KCNT2: variants seen among roughly 807,000 people sequenced by gnomAD.
The protein encoded by KCNT2 is potassium sodium-activated channel subfamily T member 2.
KCNT2 carries 67 observed loss-of-function variants against 153.8 expected under a neutral mutation model. That is an observed-to-expected ratio of 0.44 (90% CI 0.36 to 0.53). The LOEUF is 0.53. Ranked by LOEUF, KCNT2 falls within the 20% of genes least tolerant of loss-of-function variation. The probability of loss-of-function intolerance (pLI) is 0.00; values close to 1 mark genes in which losing one functional copy is unlikely to be tolerated. For missense variants in KCNT2, 975 were observed against 1,354.8 expected, an observed-to-expected ratio of 0.72 and a Z score of 4.40; for synonymous variants, 500 against 458.8, an observed-to-expected ratio of 1.09 and a Z score of -1.15.
intron 20 of KCNT2, among the ~76,000 whole-genome samples, chr1:196,316,423 G>C (rs746165772): frequency 2.6e-5 from 4 of 151,348 alleles, no homozygotes; most frequent in Non-Finnish European, 3.0e-5. Flanking sequence ...AAGTAATTTT[G>C]GTAAGAGAGG....
intron 22 of KCNT2, among the ~76,000 whole-genome samples, chr1:196,290,904 TC>T (rs1660131091): frequency 1.3e-5 from 2 of 151,906 alleles, no homozygotes; most frequent in Admixed American, 6.6e-5. Context: ...CGATGCCACC[TC>T]CCCCATGTCC....
intron 19 of KCNT2, among the ~76,000 whole-genome samples, chr1:196,320,125 A>T (rs763677048): frequency 4.0e-5 from 6 of 151,898 alleles, no homozygotes; most frequent in Non-Finnish European, 8.8e-5. Flanking sequence ...TGCATTTTTA[A>T]ATTTATTGAT....
At chr1:196,257,966 A>G in intron 26 of KCNT2, 1 of 1,178,766 alleles carries the variant, frequency 8.5e-7, no homozygotes, top group East Asian at 3.5e-5. Flanking sequence ...AATTCATGTA[A>G]TGGGTTTAGC....
At chr1:196,520,566 C>G (rs1653233102) in intron 1 of KCNT2, among the ~76,000 whole-genome samples, 1 of 151,798 alleles carries the variant, frequency 6.6e-6, no homozygotes, top group African/African-American at 2.4e-5. Flanking sequence ...TCCACAGTCT[C>G]AACCCAAAGC....
chr1:196,382,721 T>C (rs1213710253), intron 13 of KCNT2, among the ~76,000 whole-genome samples: 1 of 152,288 alleles, frequency 6.6e-6, no homozygotes, highest in Non-Finnish European at 1.5e-5. Context: ...AAGGAAGTTT[T>C]CATGTATTGG....
intron 8 of KCNT2, among the ~76,000 whole-genome samples, chr1:196,459,103 T>C (rs918079504): frequency 2.0e-5 from 3 of 151,480 alleles, no homozygotes; most frequent in African/African-American, 7.3e-5. Context: ...CTACATTTTC[T>C]AGGGGATTTT....
At chr1:196,313,166 G>C (rs1662358926) in intron 21 of KCNT2, among the ~76,000 whole-genome samples, 2 of 151,550 alleles carry the variant, frequency 1.3e-5, no homozygotes, top group Non-Finnish European at 3.0e-5. Context: ...AGGTGACTAG[G>C]GTAAGTAAAA....
intron 3 of KCNT2, among the ~76,000 whole-genome samples, chr1:196,484,809 T>C (rs1679293433): frequency 6.6e-6 from 1 of 151,838 alleles, no homozygotes; most frequent in Admixed American, 6.6e-5. Flanking sequence ...CAAGAAACAA[T>C]AGATGCTGGA....
chr1:196,465,615 C>T (rs969497667), intron 7 of KCNT2, among the ~76,000 whole-genome samples: 22 of 151,792 alleles, frequency 1.4e-4, no homozygotes, highest in African/African-American at 5.3e-4. Flanking sequence ...AGGAAGACTA[C>T]CAAAGCACTA....
At chr1:196,377,790 T>A (rs1372872235) in intron 13 of KCNT2, among the ~76,000 whole-genome samples, 3 of 152,096 alleles carry the variant, frequency 2.0e-5, no homozygotes, top group Non-Finnish European at 2.9e-5. Context: ...GGAGATGACA[T>A]TCCCTTTCAG....
At position 196,465,294 on chromosome 1, in the gene KCNT2, A is replaced by G. The variant is rs763132932; in HGVS notation, c.637T>C (p.Cys213Arg). 6.7e-7 allele frequency: 1 copy of G among 1,485,702 alleles called. No homozygotes were observed. Among genetic ancestry groups the G allele is most frequent in the Non-Finnish European group, 9.4e-7 (1 of 1,066,146 alleles). 92.0% of individuals were successfully genotyped at this position (1,485,702 alleles called of 1,614,324 possible). ...AAATTCTGATATGTACAATCTTACCAGGTGAAGATAAGGCATAGTAATGTA... is the reference window on the plus strand; with the variant it reads ...AAATTCTGATATGTACAATCTTACCGGGTGAAGATAAGGCATAGTAATGTA... ...ISTLLCLIFTCICGIQHLERI... is the reference protein window; with the variant it reads ...ISTLLCLIFTRICGIQHLERI... Residue 213 changes from cysteine (C) to arginine (R), a missense_variant and splice_region_variant, in exon 8 of 28, where the codon TGC becomes CGC. Coordinates refer to ENST00000294725, the MANE Select transcript of KCNT2 (RefSeq NM_198503.5).
chr1:196,324,984 A>G (rs1226337328), intron 19 of KCNT2, among the ~76,000 whole-genome samples: 3 of 152,112 alleles, frequency 2.0e-5, no homozygotes, highest in Non-Finnish European at 4.4e-5. Context: ...AAAACATACA[A>G]GTAAAACACT....
At chr1:196,437,483 C>T (rs1674828288) in intron 8 of KCNT2, among the ~76,000 whole-genome samples, 1 of 144,180 alleles carries the variant, frequency 6.9e-6, no homozygotes, top group Non-Finnish European at 1.5e-5. Context: ...TATCCTATAT[C>T]CCCCGCCTAA....
At chr1:196,288,834 T>G (rs924550555) in intron 22 of KCNT2, among the ~76,000 whole-genome samples, 3 of 152,052 alleles carry the variant, frequency 2.0e-5, no homozygotes, top group African/African-American at 7.2e-5. Context: ...CAGGTCCACC[T>G]GCCAAAAATA....
In KCNT2 at chr1:196,228,242, C is replaced by T; in HGVS notation, c.3390G>A (p.Arg1130=). 1 of 1,605,286 alleles carries T rather than the reference C, an allele frequency of 6.2e-7. No homozygotes were observed. Among genetic ancestry groups the T allele is most frequent in the Non-Finnish European group, 8.5e-7 (1 of 1,173,682 alleles). ...ATTTTTATCAAAGTTGAGTTTCCTC[C>T]CGAGAATCTTGACCAGTGACATTGC... ...SICNVTGQDS[R]EETQL Residue 1130 remains arginine (R), a synonymous_variant, in exon 28 of 28, where the codon CGG becomes CGA. Transcript: ENST00000294725.
intron 12 of KCNT2, among the ~76,000 whole-genome samples, chr1:196,411,053 TATTCCCTCCTTCCTTCCTTCCTTC>T (rs1558257199): frequency 3.1e-5 from 2 of 64,784 alleles, no homozygotes; most frequent in African/African-American, 6.0e-5. Flanking sequence ...CTCCCTCCTC[TATTCCCTCCTTCCTTCCTTCCTTC>T]CTTCCTTCCT....
chr1:196,562,943 A>G (rs1659614716), intron 1 of KCNT2, among the ~76,000 whole-genome samples: 1 of 152,038 alleles, frequency 6.6e-6, no homozygotes, highest in African/African-American at 2.4e-5. Context: ...CTAGTTGTCC[A>G]TTGACCTTCT....
chr1:196,564,561 A>G (rs571592469), intron 1 of KCNT2, among the ~76,000 whole-genome samples: 26 of 151,944 alleles, frequency 1.7e-4, no homozygotes, highest in Non-Finnish European at 1.8e-4. Context: ...AGCAAAAAGA[A>G]AAAAAGTCAA....
At chr1:196,236,600 T>C (rs1187097623) in intron 26 of KCNT2, among the ~76,000 whole-genome samples, 1 of 151,646 alleles carries the variant, frequency 6.6e-6, no homozygotes, top group Non-Finnish European at 1.5e-5. Flanking sequence ...ATCCTAATGC[T>C]TTTGCAGAAT....
Sources: gnomAD v4.1 joint callset for allele counts (sites outside exome capture counted in the v4.1 genomes callset) on GRCh38, gnomAD v4.1.1 for gene constraint, MANE v1.5 for transcripts, NCBI Gene and HGNC (gene_info 2026-07-23, HGNC 2026-07-21) for gene names.